Variants in SUPT16H observed in about 807,000 individuals in gnomAD.
SUPT16H encodes the protein SPT16 homolog, facilitates chromatin remodeling subunit.
Under a neutral mutation model 136.2 loss-of-function variants are expected in SUPT16H, and 24 were observed. That is an observed-to-expected ratio of 0.18 (90% CI 0.13 to 0.25). SUPT16H has a LOEUF of 0.25. Ranked by LOEUF, SUPT16H falls within the 10% of genes least tolerant of loss-of-function variation. The pLI, the probability that SUPT16H is intolerant of heterozygous loss-of-function variation, is 1.00. For missense variants in SUPT16H, 623 were observed against 1,270.2 expected (o/e 0.49, Z 7.74); for synonymous variants, 415 against 428.2 (o/e 0.97, Z 0.38).
At chr14:21,377,310 T>C (rs192602095) in intron 1 of SUPT16H, among the ~76,000 whole-genome samples, 2 of 152,292 alleles carry the variant, frequency 1.3e-5, no homozygotes, top group East Asian at 3.9e-4. Flanking sequence ...GAAGGGATGA[T>C]TCTAAATTTC....
At chr14:21,377,570 T>C (rs1886930218) in intron 1 of SUPT16H, among the ~76,000 whole-genome samples, 2 of 151,378 alleles carry the variant, frequency 1.3e-5, no homozygotes, top group Non-Finnish European at 2.9e-5. Context: ...TTATATTCTA[T>C]GCATCCTTTT....
chr14:21,363,455 C>T lies in SUPT16H; in HGVS notation c.1282G>A (p.Val428Met), dbSNP rs775462571. Residue 428 changes from valine (V) to methionine (M), a missense_variant, in exon 11 of 26, where the codon GTG becomes ATG. Val to Met is a conservative substitution (Grantham distance 21, BLOSUM62 1). Transcript: ENST00000216297. ...LTSVKKKVKNVGIFLKNEDEE... is the reference protein window; with the variant it reads ...LTSVKKKVKNMGIFLKNEDEE... ...CTTCCTACCTTTAGGAAAATCCCCA[C>T]ATTCTTCACTTTCTTCTTCACAGAA... The T allele has an allele frequency of 2.9e-5, 47 of 1,613,852 alleles. No homozygotes were observed. In the Admixed American group the frequency reaches 7.7e-4, roughly 26 times the overall value.
chr14:21,362,758 A>C, intron 14 of SUPT16H, 36 bp downstream of exon 14: 1 of 1,560,570 alleles, frequency 6.4e-7, no homozygotes, highest in Non-Finnish European at 8.6e-7. Flanking sequence ...TTTAAGCAAC[A>C]GTTTGGATGA....
In SUPT16H at chr14:21,357,210, T is replaced by C; in HGVS notation, c.2647A>G (p.Lys883Glu). Residue 883 changes from lysine to glutamate, a missense_variant, in exon 22 of 26, where the codon AAG (lysine) becomes GAG (glutamate). Lys to Glu is a moderately conservative substitution (Grantham distance 56). This residue lies in a region of SUPT16H where 74 missense variants were observed against 193.8 expected (regional missense o/e 0.38). Transcript: ENST00000216297. Reference sequence around the variant, plus strand: ...AGATTTACTTACTTCAACCATTCCTTGATGGGGTCAAGAGAGGCTACAGGA... The same window carrying C: ...AGATTTACTTACTTCAACCATTCCTCGATGGGGTCAAGAGAGGCTACAGGA... ...AIPVASLDPI[K>E]EWLNSCDLKY... is the part of the protein sequence containing the mutation. The C allele has an allele frequency of 6.3e-7, 1 of 1,597,938 alleles. No homozygotes were observed. The highest frequency in any genetic ancestry group is 1.1e-5 in the South Asian group (1 of 88,164).
At chr14:21,365,771 A>G (rs1210504876) in intron 8 of SUPT16H, among the ~76,000 whole-genome samples, 1 of 151,522 alleles carries the variant, frequency 6.6e-6, no homozygotes, top group Non-Finnish European at 1.5e-5. Context: ...AACCAAAACC[A>G]AAACCAAAAC....
intron 10 of SUPT16H, 125 bp from the exon 11 acceptor site, chr14:21,363,628 T>G (rs779916553): frequency 1.2e-6 from 1 of 815,770 alleles, no homozygotes; most frequent in African/African-American, 1.7e-5. Context: ...TGAATAAATA[T>G]AGTTTTTATC....
chr14:21,371,243 A>T (rs1256523404), intron 3 of SUPT16H, among the ~76,000 whole-genome samples: 1 of 152,056 alleles, frequency 6.6e-6, no homozygotes, highest in Non-Finnish European at 1.5e-5. Flanking sequence ...ATTTCTTTAG[A>T]TATTTTTATA....
intron 1 of SUPT16H, among the ~76,000 whole-genome samples, chr14:21,375,606 A>G (rs1886884105): frequency 6.6e-6 from 1 of 151,186 alleles, no homozygotes; most frequent in African/African-American, 2.4e-5. Context: ...TTTCTTTTTT[A>G]TTTTGGAGAC....
intron 1 of SUPT16H, 47 bp from the exon 2 acceptor site, chr14:21,373,477 C>T (rs1244895168): frequency 1.5e-6 from 2 of 1,312,804 alleles, no homozygotes; most frequent in Non-Finnish European, 2.2e-6. Flanking sequence ...ACTAGCAAAA[C>T]AGGAATACAG....
chr14:21,372,304 A>T (rs1242258241), intron 2 of SUPT16H: 4 of 413,884 alleles, frequency 9.7e-6, no homozygotes, highest in Non-Finnish European at 4.3e-6. Context: ...AAAACCATCA[A>T]ATCAGTTAAA....
chr14:21,358,493 C>G (rs1170034824), intron 19 of SUPT16H, 66 bp from the exon 20 acceptor site: 2 of 1,144,910 alleles, frequency 1.7e-6, no homozygotes, highest in Admixed American at 2.1e-5. Context: ...CTCAAAAAGT[C>G]TGAAGTGCTT....
intron 1 of SUPT16H, among the ~76,000 whole-genome samples, chr14:21,378,812 C>CT (rs1886958861): frequency 6.6e-6 from 1 of 152,046 alleles, no homozygotes; most frequent in Non-Finnish European, 1.5e-5. Context: ...TGTTTTAAGG[C>CT]TTTTATTAGA....
At chr14:21,360,098 G>T (rs936705040) in intron 18 of SUPT16H, among the ~76,000 whole-genome samples, 1 of 152,132 alleles carries the variant, frequency 6.6e-6, no homozygotes, top group East Asian at 1.9e-4. Context: ...CGCGATCTCG[G>T]CTCACTGCAA....
At chr14:21,376,994 A>G (rs1000589799) in intron 1 of SUPT16H, among the ~76,000 whole-genome samples, 11 of 151,250 alleles carry the variant, frequency 7.3e-5, no homozygotes, top group African/African-American at 2.7e-4. Flanking sequence ...AATCTCTTGA[A>G]CCTGGGAGGT....
intron 8 of SUPT16H, 145 bp from the exon 9 acceptor site, chr14:21,365,288 G>GTGA: frequency 1.3e-6 from 1 of 742,126 alleles, no homozygotes; most frequent in Non-Finnish European, 2.2e-6. Context: ...TTAGAAAAGA[G>GTGA]GATTCAAAGA....
chr14:21,360,642 T>C lies in SUPT16H; in HGVS notation c.2057-109A>G. ...GGGTCAGAGGAAACACCAACAGCTG[T>C]ATAGAGCTTTCCTTTCCTTCTGGCC... On this transcript the variant is annotated intron_variant, in intron 17 of 25. Transcript: ENST00000216297. The C allele has an allele frequency of 5.9e-6, 7 of 1,189,444 alleles. No individual in the cohort carries two copies. The South Asian group carries it at 1.0e-4, about 17-fold the overall frequency. The allele number at this position is 1,189,444 out of a possible 1,614,324, so 73.7% of individuals were successfully genotyped here.
At position 21,362,836 on chromosome 14, in the gene SUPT16H, G is replaced by A. The variant is rs147995241; in HGVS notation, c.1623C>T (p.Pro541=). 7.4e-6 allele frequency: 12 copies of A among 1,612,440 alleles called. No homozygotes were observed. Among genetic ancestry groups the A allele is most frequent in the East Asian group, 4.5e-5 (2 of 44,890 alleles). Residue 541 remains proline, a synonymous_variant, in exon 14 of 26, where the codon CCC becomes CCT. Transcript: ENST00000216297. ...IDKKYETVIM[P]VFGIATPFHI... is the part of the protein sequence containing the mutation. ...GAAACGGTGTTGCAATGCCAAACAC[G>A]GGCATTATTACAGTCTCATATTTCT...
chr14:21,371,822 T>C (rs1886791230), intron 3 of SUPT16H, 52 bp downstream of exon 3: 2 of 1,601,002 alleles, frequency 1.2e-6, no homozygotes, highest in Non-Finnish European at 1.7e-6. Context: ...TTTCTGTTCA[T>C]CCCTTTTGAA....
intron 18 of SUPT16H, 107 bp downstream of exon 18, chr14:21,360,308 A>T: frequency 1.2e-6 from 1 of 861,456 alleles, no homozygotes; most frequent in Non-Finnish European, 1.8e-6. Flanking sequence ...GATTGTGGGC[A>T]TGAGCCACCG....
Sources: gnomAD v4.1 joint callset for allele counts (sites outside exome capture counted in the v4.1 genomes callset) on GRCh38, gnomAD v4.1.1 for gene constraint, gnomAD v4.1.1 regional missense constraint, MANE v1.5 for transcripts, NCBI Gene and HGNC (gene_info 2026-07-23, HGNC 2026-07-21) for gene names.